Variants in AFF3 observed in about 807,000 individuals in gnomAD.
AFF3 encodes ALF transcription elongation factor 3.
Under a neutral mutation model 129.7 loss-of-function variants are expected in AFF3, and 32 were observed. The observed-to-expected ratio is 0.25, with a 90% CI of 0.19 to 0.33. The LOEUF is 0.33. AFF3 is among the 10% of genes least tolerant of loss of function. The pLI, the probability that AFF3 is intolerant of heterozygous loss-of-function variation, is 1.00. For synonymous variants in AFF3, 644 were observed against 635.4 expected (o/e 1.01, Z -0.20); for missense variants, 1,373 against 1,592.0 (o/e 0.86, Z 2.34).
Position 99,691,485 on chromosome 2 carries a change from C to T in AFF3, c.1092-18896G>A, listed in dbSNP as rs1205751322. ...TTCTTAGAGCTGCCTTCACTTGAGG[C>T]CACAAAGGACTCGCACTATTAATGA... On this transcript the variant is annotated intron_variant, in intron 11 of 24. Coordinates refer to ENST00000672756, the MANE Select transcript of AFF3 (RefSeq NM_001386135.1). Among the ~76,000 whole-genome samples the T allele has an allele frequency of 2.0e-5, 3 of 152,142 alleles. No homozygotes were observed. The East Asian group carries it at 5.8e-4, about 29-fold the overall frequency.
chr2:99,973,193 T>G (rs937953450), intron 7 of AFF3, among the ~76,000 whole-genome samples: 2 of 152,328 alleles, frequency 1.3e-5, no homozygotes, highest in South Asian at 4.1e-4. Context: ...TGCTCTTCTT[T>G]TTCTTCCTGT....
intron 4 of AFF3, among the ~76,000 whole-genome samples, chr2:100,042,518 G>A (rs1209215217): frequency 1.3e-5 from 2 of 152,152 alleles, no homozygotes; most frequent in Non-Finnish European, 2.9e-5. Flanking sequence ...TGTGCTAGAA[G>A]GTGGATAAAG....
At chr2:99,664,921 G>A (rs1044430227) in intron 12 of AFF3, among the ~76,000 whole-genome samples, 14 of 152,164 alleles carry the variant, frequency 9.2e-5, no homozygotes, top group Admixed American at 6.5e-4. Context: ...ACTGTGAGAC[G>A]GACTAACTGG....
intron 10 of AFF3, among the ~76,000 whole-genome samples, chr2:99,736,674 A>G (rs1354735670): frequency 6.7e-6 from 1 of 150,004 alleles, no homozygotes; most frequent in Non-Finnish European, 1.5e-5. Flanking sequence ...CAGTGGCACA[A>G]TCTTGGCTCA....
At chr2:99,777,947 C>CAAAAAAAAAAAAAAAAAAA (rs576434643) in intron 8 of AFF3, among the ~76,000 whole-genome samples, 3 of 48,314 alleles carry the variant, frequency 6.2e-5, no homozygotes, top group Non-Finnish European at 7.6e-5. Flanking sequence ...AAAGCAAAAG[C>CAAAAAAAAAAAAAAAAAAA]AAAAAAAAAA....
intron 14 of AFF3, among the ~76,000 whole-genome samples, chr2:99,597,930 C>T (rs565440835): frequency 6.6e-6 from 1 of 152,322 alleles, no homozygotes; most frequent in East Asian, 1.9e-4. Context: ...CCTTCAAGTA[C>T]CCGCTGCCAT....
In AFF3 at chr2:99,548,256, G is replaced by A. The variant is rs1674169200; in HGVS notation, c.*3218C>T. On this transcript the variant is annotated 3_prime_UTR_variant, in exon 25 of 25. Coordinates refer to ENST00000672756, the MANE Select transcript of AFF3 (RefSeq NM_001386135.1). ...GTACGTCTTCAAATAAAAAGACATG[G>A]TAATAAAAATTATTTGCTTAAATTT... is the stretch of plus-strand genomic sequence containing the variant. The A allele has an allele frequency of 1.0e-5, 2 of 197,882 alleles. No homozygotes were observed. The highest frequency in any genetic ancestry group is 3.8e-4 in the South Asian group (2 of 5,224). The allele number at this position is 197,882 out of a possible 1,614,324, so 12.3% of individuals were successfully genotyped here. A position where few individuals can be genotyped will look rare whatever the true frequency, so the allele number is the denominator to read the frequency against.
At chr2:99,837,947 G>A (rs576402661) in intron 7 of AFF3, among the ~76,000 whole-genome samples, 1 of 152,204 alleles carries the variant, frequency 6.6e-6, no homozygotes, top group Non-Finnish European at 1.5e-5. Flanking sequence ...CACAATGGTT[G>A]CTACGGCTTA....
At chr2:99,876,840 T>G (rs1464039886) in intron 7 of AFF3, among the ~76,000 whole-genome samples, 3 of 152,320 alleles carry the variant, frequency 2.0e-5, no homozygotes, top group African/African-American at 7.2e-5. Flanking sequence ...CCTCTGCACA[T>G]GCTGTTTCTC....
chr2:99,898,641 G>A (rs757984248), intron 7 of AFF3, among the ~76,000 whole-genome samples: 14 of 152,118 alleles, frequency 9.2e-5, no homozygotes, highest in Admixed American at 3.9e-4. Flanking sequence ...TTGACACTGG[G>A]GGCTGCCATG....
chr2:99,926,115 C>G (rs927267395), intron 7 of AFF3, among the ~76,000 whole-genome samples: 1 of 152,310 alleles, frequency 6.6e-6, no homozygotes, highest in South Asian at 2.1e-4. Flanking sequence ...TTGCAGTCAT[C>G]AGTACTCATG....
At chr2:100,106,515 G>T (rs561178551) in intron 2 of AFF3, 2 of 1,002,286 alleles carry the variant, frequency 2.0e-6, no homozygotes, top group East Asian at 2.1e-4. Flanking sequence ...TTTGGCGAAA[G>T]TGAGATCGAG....
At chr2:99,670,919 G>A (rs1687093169) in intron 12 of AFF3, among the ~76,000 whole-genome samples, 1 of 152,176 alleles carries the variant, frequency 6.6e-6, no homozygotes, top group African/African-American at 2.4e-5. Flanking sequence ...AATGAGTACA[G>A]AATGGAAGGG....
At chr2:99,611,540 GA>G (rs1256507617) in intron 13 of AFF3, among the ~76,000 whole-genome samples, 1 of 152,132 alleles carries the variant, frequency 6.6e-6, no homozygotes, top group Non-Finnish European at 1.5e-5. Flanking sequence ...TGCTGATGGA[GA>G]GGGGGCCACA....
intron 7 of AFF3, 34 bp from the exon 8 acceptor site, chr2:99,837,558 G>A: frequency 7.5e-6 from 12 of 1,594,690 alleles, no homozygotes; most frequent in Non-Finnish European, 1.0e-5. Flanking sequence ...AAGCCTGATG[G>A]AATAGATTGA....
At chr2:99,851,018 T>C (rs762172486) in intron 7 of AFF3, among the ~76,000 whole-genome samples, 2 of 152,146 alleles carry the variant, frequency 1.3e-5, no homozygotes, top group Non-Finnish European at 2.9e-5. Flanking sequence ...AAAGATGCCA[T>C]CCATAAAAAC....
chr2:100,040,250 A>C (rs142292472), intron 4 of AFF3, among the ~76,000 whole-genome samples: 74 of 152,250 alleles, frequency 4.9e-4, no homozygotes, highest in Middle Eastern at 3.4e-3. Context: ...TCCTTCATGA[A>C]AGAAAATGTG....
chr2:99,793,278 C>G (rs1685328475), intron 8 of AFF3, among the ~76,000 whole-genome samples: 1 of 152,248 alleles, frequency 6.6e-6, no homozygotes, highest in Non-Finnish European at 1.5e-5. Context: ...TGACTATAAG[C>G]TTCGTGAGGC....
intron 4 of AFF3, among the ~76,000 whole-genome samples, chr2:100,068,081 T>C (rs1444180200): frequency 6.6e-6 from 1 of 152,216 alleles, no homozygotes; most frequent in Non-Finnish European, 1.5e-5. Context: ...GCTGGCCTTG[T>C]TGTACTGCCG....
Sources: gnomAD v4.1 joint callset for allele counts (sites outside exome capture counted in the v4.1 genomes callset) on GRCh38, gnomAD v4.1.1 for gene constraint, MANE v1.5 for transcripts, NCBI Gene and HGNC (gene_info 2026-07-23, HGNC 2026-07-21) for gene names.